The following MAP4 variants were observed in gnomAD, a reference collection of about 807,000 sequenced individuals.
MAP4 encodes microtubule associated protein 4.
A neutral mutation model predicts 170.2 loss-of-function variants in MAP4; 76 were observed. That is an observed-to-expected ratio of 0.45 (90% CI 0.37 to 0.54). The LOEUF (loss-of-function observed/expected upper bound fraction) is 0.54. MAP4 is among the 20% of genes least tolerant of loss of function. MAP4 has a pLI of 0.00. For synonymous variants in MAP4, 909 were observed against 994.5 expected (o/e 0.91, Z 1.62); for missense variants, 2,506 against 2,748.0 (o/e 0.91, Z 1.97).
chr3:47,987,803 G>C (rs1351326306), intron 2 of MAP4, among the ~76,000 whole-genome samples: 2 of 152,222 alleles, frequency 1.3e-5, no homozygotes, highest in African/African-American at 4.8e-5. Flanking sequence ...TTAGGTAAGA[G>C]AAGTTTTGGG....
chr3:47,906,073 G>T (rs1427337039), intron 9 of MAP4, among the ~76,000 whole-genome samples: 1 of 144,500 alleles, frequency 6.9e-6, no homozygotes, highest in Non-Finnish European at 1.5e-5. Context: ...GATTAGATCA[G>T]TACACATAAC....
chr3:47,853,430 A>G (rs2048277160), intron 19 of MAP4, 78 bp from the exon 20 acceptor site: 1 of 1,027,716 alleles, frequency 9.7e-7, no homozygotes, highest in Admixed American at 2.4e-5. Context: ...GGTGGGTTTC[A>G]CACACAGCCC....
At chr3:48,029,254 A>G (rs1489981234) in intron 1 of MAP4, among the ~76,000 whole-genome samples, 1 of 152,092 alleles carries the variant, frequency 6.6e-6, no homozygotes, top group Non-Finnish European at 1.5e-5. Context: ...CCTGGCCGAC[A>G]TGGTAAAACC....
At chr3:48,046,823 G>T (rs746804171) in intron 1 of MAP4, among the ~76,000 whole-genome samples, 2 of 152,148 alleles carry the variant, frequency 1.3e-5, no homozygotes, top group Admixed American at 6.5e-5. Flanking sequence ...AGCCGGGCGC[G>T]GTGGCTCACG....
At position 47,880,487 on chromosome 3, in the gene MAP4, T is replaced by TTTA. The variant is rs1553751785; in HGVS notation, c.5435-2965_5435-2964insTAA. Among the ~76,000 whole-genome samples, 586 of 147,560 alleles carry TTTA rather than the reference T, an allele frequency of 4.0e-3. 3 individuals carry two copies. Among genetic ancestry groups the TTTA allele is most frequent in the Non-Finnish European group, 7.2e-3 (482 of 66,836 alleles). ...TCAGTTTTTTTTTTTTTTTTTTTTTTAAGAGATGAAGTCTGTTGCCTAGGC... is the reference window on the plus strand; with the variant it reads ...TCAGTTTTTTTTTTTTTTTTTTTTTTTTAAAGAGATGAAGTCTGTTGCCTAGGC... On this transcript the variant is annotated intron_variant, in intron 10 of 20. Coordinates refer to ENST00000683076, the MANE Select transcript of MAP4 (RefSeq NM_001385682.1).
rs555323173 is a variant in MAP4 at position 48,041,938 on chromosome 3, C to A, written c.-19-43059G>T. Among the ~76,000 whole-genome samples, 14 of 152,208 alleles carry A rather than the reference C, an allele frequency of 9.2e-5. No individual in the cohort carries two copies. The South Asian group carries it at 2.9e-3, about 32-fold the overall frequency. ...ACAAAGTCCTGGGAGGGTAGCACAC[C>A]CGAATTCCACCAGGAGAGATGCTCC... On this transcript the variant is annotated intron_variant, in intron 1 of 18. Transcript: ENST00000360240.
rs1205779877 is a variant in MAP4, at chr3:47,852,211, A to T, written c.*723T>A. 2 of 153,480 alleles carry T rather than the reference A, an allele frequency of 1.3e-5. No homozygotes were observed. The highest frequency in any genetic ancestry group is 2.9e-5 in the Non-Finnish European group (2 of 68,928). 9.5% of individuals were successfully genotyped at this position (153,480 alleles called of 1,614,324 possible). On this transcript the variant is annotated 3_prime_UTR_variant, in exon 21 of 21. Coordinates refer to ENST00000683076, the MANE Select transcript of MAP4 (RefSeq NM_001385682.1). The stretch of plus-strand genomic sequence containing the variant: ...GGACTTTCATGTAGACATGGCTTCA[A>T]CCTGCAGAACTATTTTGCCAGTTTT...
At chr3:47,951,706 C>T (rs978347190) in intron 3 of MAP4, among the ~76,000 whole-genome samples, 1 of 152,174 alleles carries the variant, frequency 6.6e-6, no homozygotes, top group African/African-American at 2.4e-5. Context: ...GCTACAACCT[C>T]CACCTCCCAG....
intron 10 of MAP4, among the ~76,000 whole-genome samples, chr3:47,881,072 A>G (rs930255263): frequency 1.3e-5 from 2 of 152,148 alleles, no homozygotes; most frequent in Non-Finnish European, 1.5e-5. Flanking sequence ...GTGTGTATAC[A>G]TTTAGAATTG....
At chr3:47,925,621 T>C (rs936983617) in intron 4 of MAP4, among the ~76,000 whole-genome samples, 4 of 152,048 alleles carry the variant, frequency 2.6e-5, no homozygotes. Context: ...AAAAAAGCAG[T>C]CACAAAGAAA....
intron 16 of MAP4, among the ~76,000 whole-genome samples, 154 bp from the exon 17 acceptor site, chr3:47,867,492 G>A (rs1221427331): frequency 6.6e-6 from 1 of 152,224 alleles, no homozygotes; most frequent in Non-Finnish European, 1.5e-5. Flanking sequence ...ATGTGGAAAA[G>A]CACAGGAAAA....
intron 9 of MAP4, among the ~76,000 whole-genome samples, chr3:47,907,891 A>C (rs2100033976): frequency 6.6e-6 from 1 of 152,164 alleles, no homozygotes; most frequent in African/African-American, 2.4e-5. Context: ...GCAAATAACA[A>C]CCTTTAGCAT....
At chr3:47,959,983 C>T (rs2100070553) in intron 3 of MAP4, among the ~76,000 whole-genome samples, 1 of 151,984 alleles carries the variant, frequency 6.6e-6, no homozygotes, top group African/African-American at 2.4e-5. Context: ...CTGCCTCAGC[C>T]TCCCAAGTAA....
chr3:47,872,070 G>C lies in MAP4; in HGVS notation c.5788C>G (p.Arg1930Gly). ...PIADAKAPEKRASPSKPASAP... is the reference protein window; with the variant it reads ...PIADAKAPEKGASPSKPASAP... ...GAAGCTGGCTTGGATGGTGAGGCCCGCTTCTCAGGAGCCTTTGCATCTGCA... is the reference window on the plus strand; with the variant it reads ...GAAGCTGGCTTGGATGGTGAGGCCCCCTTCTCAGGAGCCTTTGCATCTGCA... Residue 1930 changes from arginine (R) to glycine (G), a missense_variant, in exon 13 of 21, where the codon CGG becomes GGG. By Grantham distance (125) the Arg-to-Gly change is moderately radical. Around this residue, in one of 3 missense-constraint regions of MAP4, gnomAD observed 487 missense variants for 511.6 expected, o/e 0.95. Transcript: ENST00000683076. 2 of 1,613,004 alleles carry C rather than the reference G, an allele frequency of 1.2e-6. No individual in the cohort carries two copies. Among genetic ancestry groups the C allele is most frequent in the Non-Finnish European group, 1.7e-6 (2 of 1,179,538 alleles).
intron 1 of MAP4, among the ~76,000 whole-genome samples, chr3:48,026,851 C>T (rs2100113371): frequency 6.6e-6 from 1 of 152,164 alleles, no homozygotes; most frequent in Admixed American, 6.5e-5. Context: ...TTCTCCATAA[C>T]TAAGAAAATA....
intron 2 of MAP4, among the ~76,000 whole-genome samples, chr3:47,995,068 G>C (rs1484701855): frequency 6.6e-6 from 1 of 151,890 alleles, no homozygotes. Flanking sequence ...TTGTTTTACC[G>C]TACATCCCTT....
At chr3:47,903,532 CAAAA>C (rs983850258) in intron 9 of MAP4, among the ~76,000 whole-genome samples, 1 of 56,026 alleles carries the variant, frequency 1.8e-5, no homozygotes. Context: ...GACTCCGTCT[CAAAA>C]AAAAAAAAAA....
chr3:47,927,564 C>T (rs2153786379), intron 4 of MAP4, among the ~76,000 whole-genome samples: 1 of 152,274 alleles, frequency 6.6e-6, no homozygotes, highest in Middle Eastern at 3.4e-3. Flanking sequence ...CAACCTCCGC[C>T]TCGCAGGTTC....
chr3:47,873,743 A>C (rs2094305203), intron 12 of MAP4, among the ~76,000 whole-genome samples: 1 of 152,252 alleles, frequency 6.6e-6, no homozygotes, highest in South Asian at 2.1e-4. Context: ...GATGTGCATC[A>C]AATTTTTAAG....
Sources: allele counts gnomAD v4.1 joint callset (sites outside exome capture counted in the v4.1 genomes callset), GRCh38; gene constraint gnomAD v4.1.1; regional missense constraint gnomAD v4.1.1; transcripts MANE v1.5; gene names NCBI Gene and HGNC (gene_info 2026-07-23, HGNC 2026-07-21).